The following STRN3 variants were observed in gnomAD, a reference collection of about 807,000 sequenced individuals.
STRN3 encodes striatin 3.
A neutral mutation model predicts 95.6 loss-of-function variants in STRN3; 29 were observed. The ratio of observed to expected loss-of-function variants is 0.30; its 90% confidence interval spans 0.23 to 0.41. The LOEUF (loss-of-function observed/expected upper bound fraction) is 0.41, where lower values mean the gene tolerates loss of function less well. Among genes scored for constraint, STRN3 ranks in the 10% least tolerant of loss-of-function variants. STRN3 has a pLI of 1.00. For synonymous variants in STRN3, 331 were observed against 357.6 expected (o/e 0.93, Z 0.84); for missense variants, 890 against 972.1 (o/e 0.92, Z 1.12).
Position 30,895,159 on chromosome 14 carries a change from TA to T in STRN3, c.*251del. 2.7e-6 allele frequency: 1 copy of T among 364,606 alleles called. No individual in the cohort carries two copies. Among genetic ancestry groups the T allele is most frequent in the Non-Finnish European group, 4.8e-6 (1 of 209,292 alleles). 22.6% of individuals were successfully genotyped at this position (364,606 alleles called of 1,614,324 possible). On this transcript the variant is annotated 3_prime_UTR_variant, in exon 18 of 18. Transcript: ENST00000357479. The stretch of plus-strand genomic sequence containing the variant: ...GCTTAAAGACACCTAAAAACAGATA[TA>T]CGCTCAGTTCACATCCAGTACAGGC...
At chr14:31,006,106 G>A (rs1312711011) in intron 1 of STRN3, among the ~76,000 whole-genome samples, 5 of 130,506 alleles carry the variant, frequency 3.8e-5, no homozygotes, top group Non-Finnish European at 6.3e-5. Flanking sequence ...GTGACAGAGC[G>A]AGACTCTGTC....
chr14:30,916,839 T>C (rs150967671), intron 9 of STRN3, among the ~76,000 whole-genome samples: 18 of 152,330 alleles, frequency 1.2e-4, no homozygotes, highest in African/African-American at 4.1e-4. Context: ...TTCAGACTTT[T>C]GTAACTAATC....
chr14:30,985,752 T>C (rs1466251268), intron 1 of STRN3, among the ~76,000 whole-genome samples: 1 of 152,226 alleles, frequency 6.6e-6, no homozygotes, highest in Non-Finnish European at 1.5e-5. Context: ...AGTTTTATCA[T>C]AAGAAATATA....
At chr14:31,013,901 T>C (rs1883109018) in intron 1 of STRN3, among the ~76,000 whole-genome samples, 2 of 126,470 alleles carry the variant, frequency 1.6e-5, no homozygotes, top group Admixed American at 7.7e-5. Flanking sequence ...TTATTATTAT[T>C]ATTATTATTA....
intron 1 of STRN3, among the ~76,000 whole-genome samples, chr14:31,015,272 A>G (rs747393094): frequency 3.3e-5 from 5 of 152,200 alleles, no homozygotes; most frequent in Non-Finnish European, 7.3e-5. Flanking sequence ...CGTTTCCCCA[A>G]TTACTATAGT....
intron 1 of STRN3, among the ~76,000 whole-genome samples, chr14:30,999,727 G>A (rs976282435): frequency 6.6e-6 from 1 of 152,108 alleles, no homozygotes; most frequent in Non-Finnish European, 1.5e-5. Context: ...ATCAAGGAAG[G>A]AAAGAGAAGG....
At chr14:31,013,898 T>TTGAG (rs71112374) in intron 1 of STRN3, among the ~76,000 whole-genome samples, 1 of 135,042 alleles carries the variant, frequency 7.4e-6, no homozygotes. Flanking sequence ...TTATTATTAT[T>TTGAG]ATTATTATTA....
In STRN3 at chr14:31,009,235, G is replaced by A. The variant is rs187138689; in HGVS notation, c.282+16669C>T. ...TACTAGACATGAAAGGATATGAGAT[G>A]ACATAGCTATACACACACACCAATA... On this transcript the variant is annotated intron_variant, in intron 1 of 17. Transcript: ENST00000357479. Among the ~76,000 whole-genome samples, 260 of 152,152 alleles carry A rather than the reference G, an allele frequency of 1.7e-3. 2 individuals are homozygous for A. Among genetic ancestry groups the A allele is most frequent in the African/African-American group, 5.7e-3 (237 of 41,504 alleles).
intron 14 of STRN3, 130 bp downstream of exon 14, chr14:30,906,747 C>T (rs904799639): frequency 2.1e-5 from 22 of 1,030,820 alleles, no homozygotes; most frequent in Admixed American, 1.8e-4. Flanking sequence ...AAAAGTTTAT[C>T]CTAACTTTTA....
Position 30,895,336 on chromosome 14 carries a change from A to G in STRN3, c.*75T>C. ...AGATCACATGTAGTGTCATATCAGT[A>G]ACCTTTCTGATGGCAGTGATGCAGA... On this transcript the variant is annotated 3_prime_UTR_variant, in exon 18 of 18. Coordinates refer to ENST00000357479, the MANE Select transcript of STRN3 (RefSeq NM_001083893.2). 6.9e-7 allele frequency: 1 copy of G among 1,449,844 alleles called. No individual in the cohort carries two copies. Among genetic ancestry groups the G allele is most frequent in the Non-Finnish European group, 9.2e-7 (1 of 1,087,740 alleles). 89.8% of individuals were successfully genotyped at this position (1,449,844 alleles called of 1,614,324 possible).
At chr14:30,930,543 G>T (rs1878479432) in intron 7 of STRN3, among the ~76,000 whole-genome samples, 1 of 152,064 alleles carries the variant, frequency 6.6e-6, no homozygotes, top group Non-Finnish European at 1.5e-5. Flanking sequence ...ATGATCACAG[G>T]TGGTCGGTCA....
chr14:30,945,222 A>AAAAC (rs1374285883), intron 5 of STRN3, among the ~76,000 whole-genome samples: 5 of 152,210 alleles, frequency 3.3e-5, no homozygotes, highest in African/African-American at 1.2e-4. Flanking sequence ...GTGGGGAGGT[A>AAAAC]AAACAGTGCA....
chr14:30,929,360 C>A, intron 7 of STRN3, 49 bp from the exon 8 acceptor site: 1 of 1,439,596 alleles, frequency 6.9e-7, no homozygotes. Context: ...GTTGGCAATG[C>A]AAGCTGTTGG....
At chr14:30,921,063 CATACATAT>C (rs1171955800) in intron 8 of STRN3, among the ~76,000 whole-genome samples, 3 of 108,498 alleles carry the variant, frequency 2.8e-5, no homozygotes, top group African/African-American at 1.0e-4. Context: ...GCTTTCTACA[CATACATAT>C]ACACACACAC....
At chr14:30,928,118 CTA>C (rs149359852) in intron 8 of STRN3, among the ~76,000 whole-genome samples, 1,600 of 152,122 alleles carry the variant, frequency 0.011, 33 homozygotes, top group African/African-American at 0.036. Context: ...GCAGTTCACT[CTA>C]TAGTCTTTTA....
intron 1 of STRN3, among the ~76,000 whole-genome samples, chr14:31,013,889 T>TATTATTATTTGAGACAGTGTC (rs1555327142): frequency 7.0e-6 from 1 of 141,972 alleles, no homozygotes; most frequent in African/African-American, 2.6e-5. Flanking sequence ...TTATTATTAT[T>TATTATTATTTGAGACAGTGTC]ATTATTATTA....
In STRN3 at chr14:30,927,810, A is replaced by G. The variant is rs1594448760; in HGVS notation, c.1099+1391T>C. On this transcript the variant is annotated intron_variant, in intron 8 of 17. Transcript: ENST00000357479. ...AGGCATGGTGGCACGTGCCTATACTATAGTCCCAGCTACTCAGGAGACTGA... is the reference window on the plus strand; with the variant it reads ...AGGCATGGTGGCACGTGCCTATACTGTAGTCCCAGCTACTCAGGAGACTGA... Among the ~76,000 whole-genome samples the G allele has an allele frequency of 2.0e-5, 3 of 151,494 alleles. No individual in the cohort carries two copies. In the South Asian group the frequency reaches 6.3e-4, roughly 32 times the overall value.
In STRN3 at chr14:30,978,311, G is replaced by C. The variant is rs74584098; in HGVS notation, c.283-22069C>G. Among the ~76,000 whole-genome samples, 451 of 152,140 alleles carry C rather than the reference G, an allele frequency of 3.0e-3. 2 individuals are homozygous for C. The highest frequency in any genetic ancestry group is 0.01 in the African/African-American group (429 of 41,500). ...AGTAGGATTTATTCCAGGCATACTA[G>C]ACTGATTCAACATTCAAAACTGTGT... On this transcript the variant is annotated intron_variant, in intron 1 of 17. Coordinates refer to ENST00000357479, the MANE Select transcript of STRN3 (RefSeq NM_001083893.2).
chr14:30,978,529 G>C (rs977922641), intron 1 of STRN3, among the ~76,000 whole-genome samples: 1 of 152,158 alleles, frequency 6.6e-6, no homozygotes, highest in Admixed American at 6.5e-5. Context: ...TGAAAAAGTA[G>C]ATGCTTTTCC....
Sources: allele counts gnomAD v4.1 joint callset (sites outside exome capture counted in the v4.1 genomes callset), GRCh38; gene constraint gnomAD v4.1.1; transcripts MANE v1.5; gene names NCBI Gene and HGNC (gene_info 2026-07-23, HGNC 2026-07-21).